The following PECAM1 variants were observed in gnomAD, a reference collection of about 807,000 sequenced individuals.
PECAM1 encodes platelet and endothelial cell adhesion molecule 1, also known as platelet endothelial cell adhesion molecule.
PECAM1 carries 8 observed loss-of-function variants against 13.8 expected under a neutral mutation model. The ratio of observed to expected loss-of-function variants is 0.58; its 90% CI spans 0.34 to 1.05. The LOEUF is 1.05. Among genes scored for constraint, PECAM1 ranks in the 50% least tolerant of loss-of-function variants. The pLI is 0.03. For missense variants in PECAM1, 304 were observed against 141.2 expected (o/e 2.15, Z -5.84); for synonymous variants, 136 against 52.6 (o/e 2.58, Z -6.86).
intron 5 of PECAM1, among the ~76,000 whole-genome samples, chr17:64,364,504 C>A (rs2036056592): frequency 6.6e-6 from 1 of 152,096 alleles, no homozygotes; most frequent in Non-Finnish European, 1.5e-5. Flanking sequence ...CAAAGCCGGG[C>A]AGAGATACAA....
chr17:64,371,519 T>C (rs921626982), intron 4 of PECAM1, among the ~76,000 whole-genome samples: 16 of 151,580 alleles, frequency 1.1e-4, no homozygotes, highest in African/African-American at 3.9e-4. Flanking sequence ...AAAAAACATA[T>C]TATAAAATAT....
intron 2 of PECAM1, among the ~76,000 whole-genome samples, chr17:64,387,581 G>A (rs942914871): frequency 1.4e-4 from 21 of 152,306 alleles, no homozygotes; most frequent in Middle Eastern, 3.4e-3. Context: ...TCCTGGGGGT[G>A]AGGAAGGGTC....
intron 5 of PECAM1, among the ~76,000 whole-genome samples, 167 bp downstream of exon 5, chr17:64,369,583 G>A (rs892300552): frequency 5.5e-4 from 84 of 152,244 alleles, no homozygotes; most frequent in South Asian, 8.3e-4. Context: ...CTGTTAACTC[G>A]CTCTGCAGTG....
chr17:64,379,705 C>T (rs1413996255), intron 2 of PECAM1, among the ~76,000 whole-genome samples: 11 of 152,156 alleles, frequency 7.2e-5, no homozygotes, highest in African/African-American at 2.7e-4. Context: ...CTTCAAACAT[C>T]TCATGTTCTA....
intron 2 of PECAM1, among the ~76,000 whole-genome samples, chr17:64,381,582 G>A (rs1446071799): frequency 3.3e-5 from 5 of 152,068 alleles, no homozygotes; most frequent in Admixed American, 2.0e-4. Context: ...ATTTTAAAAC[G>A]AGTACTACAA....
intron 3 of PECAM1, 150 bp downstream of exon 3, chr17:64,377,674 C>T (rs1046261981): frequency 5.3e-5 from 18 of 338,672 alleles, no homozygotes; most frequent in Non-Finnish European, 8.2e-5. Flanking sequence ...CTAGTGCTTA[C>T]GTATTCAGGT....
chr17:64,387,476 G>T (rs1249338886), intron 2 of PECAM1, among the ~76,000 whole-genome samples: 1 of 152,182 alleles, frequency 6.6e-6, no homozygotes, highest in African/African-American at 2.4e-5. Flanking sequence ...TAAAAAAAGA[G>T]TTCCCATTCA....
Position 64,322,322 on chromosome 17 carries a change from G to T in PECAM1, c.*1494C>A, listed in dbSNP as rs1261010379. ...AACTGCTTGAACCCAGGAGGCGGAG[G>T]TTGCAGTGAGCAGAGGTTGCGCCGC... On this transcript the variant is annotated 3_prime_UTR_variant, in exon 16 of 16. Coordinates refer to ENST00000563924, the MANE Select transcript of PECAM1 (RefSeq NM_000442.5). The T allele has an allele frequency of 8.8e-6, 6 of 681,066 alleles. No individual in the cohort carries two copies. The highest frequency in any genetic ancestry group is 1.3e-4 in the East Asian group (1 of 7,518). The allele number at this position is 681,066 out of a possible 1,614,324, so 42.2% of individuals were successfully genotyped here. A position where few individuals can be genotyped will look rare whatever the true frequency, so the allele number is the denominator to read the frequency against.
intron 12 of PECAM1, 46 bp downstream of exon 12, chr17:64,350,334 T>C (rs1488361114): frequency 1.5e-5 from 6 of 411,008 alleles, no homozygotes; most frequent in African/African-American, 1.2e-4. Flanking sequence ...GTCTTTTTTT[T>C]AATGTAAAAG....
intron 2 of PECAM1, among the ~76,000 whole-genome samples, chr17:64,381,762 G>A (rs1323599865): frequency 6.6e-6 from 1 of 152,094 alleles, no homozygotes; most frequent in Non-Finnish European, 1.5e-5. Context: ...CAACTTACAA[G>A]CTCCTGATTT....
rs1017314841 is a variant in PECAM1, at chr17:64,354,631, A to T, written c.1888+302T>A. Among the ~76,000 whole-genome samples the T allele has an allele frequency of 6.4e-4, 98 of 152,186 alleles. 1 individual carries two copies. Among genetic ancestry groups the T allele is most frequent in the Non-Finnish European group, 2.1e-4 (14 of 68,040 alleles). On this transcript the variant is annotated intron_variant, in intron 9 of 15. Coordinates refer to ENST00000563924, the MANE Select transcript of PECAM1 (RefSeq NM_000442.5). The stretch of plus-strand genomic sequence containing the variant: ...ACAACCACCAGGTTAATTACAAAGC[A>T]TTCAATGTGTGTGTGCAACATGTGG...
chr17:64,338,094 G>A (rs1299224495), intron 14 of PECAM1, among the ~76,000 whole-genome samples: 1 of 151,506 alleles, frequency 6.6e-6, no homozygotes, highest in Non-Finnish European at 1.5e-5. Flanking sequence ...GGAGGGCAGT[G>A]GCACAATCAC....
At position 64,322,938 on chromosome 17, in the gene PECAM1, C is replaced by T; in HGVS notation, c.*878G>A. ...ATCAGGCTGGTCTCAAACTCCTGAC[C>T]TCAGGTGATCCGCCCACCTCAGCCT... On this transcript the variant is annotated 3_prime_UTR_variant, in exon 16 of 16. Coordinates refer to ENST00000563924, the MANE Select transcript of PECAM1 (RefSeq NM_000442.5). The T allele has an allele frequency of 1.9e-6, 1 of 535,244 alleles. No homozygotes were observed. Among genetic ancestry groups the T allele is most frequent in the East Asian group, 1.5e-4 (1 of 6,796 alleles). The allele number at this position is 535,244 out of a possible 1,614,324, so 33.2% of individuals were successfully genotyped here.
intron 13 of PECAM1, among the ~76,000 whole-genome samples, chr17:64,347,675 CAT>C (rs1491428262): frequency 1.4e-3 from 29 of 21,044 alleles, no homozygotes; most frequent in South Asian, 9.4e-3. Flanking sequence ...ACAAAGAAAA[CAT>C]ATATATTATA....
intron 2 of PECAM1, among the ~76,000 whole-genome samples, chr17:64,380,909 C>T (rs2036467474): frequency 6.6e-6 from 1 of 152,086 alleles, no homozygotes; most frequent in Non-Finnish European, 1.5e-5. Context: ...ATCACTTGAA[C>T]CTGGGAGGCA....
intron 6 of PECAM1, among the ~76,000 whole-genome samples, chr17:64,361,832 T>C (rs2035990689): frequency 6.6e-6 from 1 of 151,262 alleles, no homozygotes; most frequent in Non-Finnish European, 1.5e-5. Flanking sequence ...TTATATTAGG[T>C]CATTATTTAG....
chr17:64,374,983 T>C (rs2036324764), intron 4 of PECAM1, 68 bp downstream of exon 4: 1 of 445,486 alleles, frequency 2.2e-6, no homozygotes. Flanking sequence ...TTCCCAGTTC[T>C]GGGTTCTTTC....
At chr17:64,358,586 A>G (rs1331562564) in intron 7 of PECAM1, among the ~76,000 whole-genome samples, 1 of 152,094 alleles carries the variant, frequency 6.6e-6, no homozygotes, top group Non-Finnish European at 1.5e-5. Flanking sequence ...GACATACCCT[A>G]AATTACTATC....
chr17:64,379,941 C>T (rs1347958719), intron 2 of PECAM1, among the ~76,000 whole-genome samples: 6 of 151,890 alleles, frequency 4.0e-5, no homozygotes, highest in African/African-American at 1.4e-4. Context: ...GGGAGGATCA[C>T]CTGAGCCTGG....
Sources: allele counts gnomAD v4.1 joint callset (sites outside exome capture counted in the v4.1 genomes callset), GRCh38; gene constraint gnomAD v4.1.1; transcripts MANE v1.5; gene names NCBI Gene and HGNC (gene_info 2026-07-23, HGNC 2026-07-21).